UMAD1: variants seen among roughly 807,000 people sequenced by gnomAD.
The protein encoded by UMAD1 is UBAP1-MVB12-associated (UMA)-domain containing protein 1.
A neutral mutation model predicts 6.1 loss-of-function variants in UMAD1; 8 were observed. That is an observed-to-expected ratio of 1.30 (90% confidence interval 0.76 to 2.35). The LOEUF (loss-of-function observed/expected upper bound fraction) is 2.35, where lower values mean the gene tolerates loss of function less well. Ranked by LOEUF, UMAD1 falls within the 30% of genes most tolerant of loss-of-function variation. The pLI, the probability that UMAD1 is intolerant of heterozygous loss-of-function variation, is 0.00. For synonymous variants in UMAD1, 56 were observed against 31.4 expected, an observed-to-expected ratio of 1.78 and a Z score of -2.61; for missense variants, 130 against 78.4, an observed-to-expected ratio of 1.66 and a Z score of -2.49.
rs1432736828 is a variant in UMAD1 at position 7,878,114 on chromosome 7, C to G, written c.*576C>G. Reference sequence around the variant, plus strand: ...GGATGCTAGACCTGCTCTGCGTGCTCTTTCTGGAGTGGCCCATTTCGGTTT... The same window carrying G: ...GGATGCTAGACCTGCTCTGCGTGCTGTTTCTGGAGTGGCCCATTTCGGTTT... On this transcript the variant is annotated 3_prime_UTR_variant, in exon 4 of 4. Transcript: ENST00000682710. 2.0e-5 allele frequency: 3 copies of G among 152,758 alleles called. No individual in the cohort carries two copies. The highest frequency in any genetic ancestry group is 4.4e-5 in the Non-Finnish European group (3 of 68,464). 9.5% of individuals were successfully genotyped at this position (152,758 alleles called of 1,614,324 possible). A position where few individuals can be genotyped will look rare whatever the true frequency, so the allele number is the denominator to read the frequency against.
intron 3 of UMAD1, among the ~76,000 whole-genome samples, chr7:7,814,615 A>G (rs1433657883): frequency 6.6e-6 from 1 of 151,828 alleles, no homozygotes; most frequent in Non-Finnish European, 1.5e-5. Flanking sequence ...TATTTATGTA[A>G]TACTTCTACA....
chr7:7,872,288 C>T (rs1784345811), intron 3 of UMAD1, among the ~76,000 whole-genome samples: 2 of 152,226 alleles, frequency 1.3e-5, no homozygotes, highest in South Asian at 2.1e-4. Context: ...ATATTGTCAT[C>T]TATTAAGTGT....
intron 3 of UMAD1, among the ~76,000 whole-genome samples, chr7:7,869,787 G>A (rs1051019181): frequency 2.0e-5 from 3 of 152,160 alleles, no homozygotes; most frequent in Non-Finnish European, 4.4e-5. Flanking sequence ...TTTGTGCCAG[G>A]AAAAATGTAG....
At chr7:7,840,168 G>A (rs577891592) in intron 3 of UMAD1, among the ~76,000 whole-genome samples, 2 of 152,298 alleles carry the variant, frequency 1.3e-5, no homozygotes, top group African/African-American at 4.8e-5. Flanking sequence ...GAGGCAGATT[G>A]TTAGGTAAAT....
At chr7:7,764,547 A>T (rs17484584) in intron 2 of UMAD1, among the ~76,000 whole-genome samples, 8,405 of 152,238 alleles carry the variant, frequency 0.055, 323 homozygotes, top group Non-Finnish European at 0.074. Context: ...ACCTAGGCCA[A>T]TTATGCAGAT....
intron 2 of UMAD1, among the ~76,000 whole-genome samples, chr7:7,704,741 T>C (rs1243639535): frequency 8.8e-6 from 1 of 113,738 alleles, no homozygotes; most frequent in Non-Finnish European, 1.6e-5. Context: ...TACTCCAGCC[T>C]GGGTGACAGA....
chr7:7,651,990 C>A (rs1315106979), intron 1 of UMAD1, among the ~76,000 whole-genome samples: 1 of 152,118 alleles, frequency 6.6e-6, no homozygotes, highest in African/African-American at 2.4e-5. Context: ...GCTGTGACTT[C>A]TGAATGGAAG....
intron 1 of UMAD1, among the ~76,000 whole-genome samples, chr7:7,665,997 A>G (rs988669257): frequency 6.6e-6 from 1 of 152,126 alleles, no homozygotes; most frequent in Non-Finnish European, 1.5e-5. Flanking sequence ...CAACATTTGT[A>G]TACAAGTGTG....
At position 7,755,495 on chromosome 7, in the gene UMAD1, T is replaced by G. The variant is rs561277190; in HGVS notation, c.83-46175T>G. ...ATTTCAGAATTCAGAGTCTAAATTT[T>G]CTCTTTCACATCTGGTGGCACTTTT... On this transcript the variant is annotated intron_variant, in intron 2 of 3. Transcript: ENST00000682710. Among the ~76,000 whole-genome samples the G allele has an allele frequency of 2.0e-5, 3 of 152,322 alleles. No individual in the cohort carries two copies. The South Asian group carries it at 6.2e-4, about 32-fold the overall frequency.
chr7:7,827,135 ATATATATATATATGTGTG>A (rs1373250166), intron 3 of UMAD1, among the ~76,000 whole-genome samples: 242 of 114,582 alleles, frequency 2.1e-3, no homozygotes, highest in Non-Finnish European at 3.4e-3. Flanking sequence ...ATATATATAT[ATATATATATATATGTGTG>A]TGTGTGTGTG....
At chr7:7,851,423 A>G (rs1462988724) in intron 3 of UMAD1, among the ~76,000 whole-genome samples, 1 of 152,154 alleles carries the variant, frequency 6.6e-6, no homozygotes, top group Non-Finnish European at 1.5e-5. Flanking sequence ...ATACATACCT[A>G]GGAGTAGAAT....
At chr7:7,816,250 C>G (rs1434233974) in intron 3 of UMAD1, among the ~76,000 whole-genome samples, 2 of 152,124 alleles carry the variant, frequency 1.3e-5, no homozygotes, top group Admixed American at 6.6e-5. Flanking sequence ...AACCACAAAA[C>G]CTATGCTTTG....
chr7:7,757,710 T>C (rs1455137487), intron 2 of UMAD1, among the ~76,000 whole-genome samples: 1 of 152,222 alleles, frequency 6.6e-6, no homozygotes. Context: ...TTTCTTTAGC[T>C]TCTCTGAAAT....
At chr7:7,789,806 A>G (rs1394828577) in intron 2 of UMAD1, among the ~76,000 whole-genome samples, 1 of 152,180 alleles carries the variant, frequency 6.6e-6, no homozygotes, top group Non-Finnish European at 1.5e-5. Context: ...GCTAAATAAT[A>G]TTCTACTGTA....
At chr7:7,681,031 A>G (rs763177559) in intron 2 of UMAD1, among the ~76,000 whole-genome samples, 45 of 152,080 alleles carry the variant, frequency 3.0e-4, no homozygotes, top group Non-Finnish European at 5.0e-4. Context: ...AAAAATAAAT[A>G]TATTTTGTTG....
At chr7:7,670,844 C>T (rs946384358) in intron 1 of UMAD1, among the ~76,000 whole-genome samples, 1 of 152,202 alleles carries the variant, frequency 6.6e-6, no homozygotes, top group Non-Finnish European at 1.5e-5. Context: ...AGCAATTCTG[C>T]AATTCCACAG....
chr7:7,772,148 A>G (rs536169572), intron 2 of UMAD1, among the ~76,000 whole-genome samples: 4 of 152,208 alleles, frequency 2.6e-5, no homozygotes, highest in African/African-American at 7.2e-5. Context: ...ACTTGTGTCA[A>G]TCATTTTAGC....
At chr7:7,738,305 C>G (rs1781400050) in intron 2 of UMAD1, among the ~76,000 whole-genome samples, 1 of 152,168 alleles carries the variant, frequency 6.6e-6, no homozygotes, top group Non-Finnish European at 1.5e-5. Context: ...TCTGCCTATG[C>G]CCTTAGTGCC....
chr7:7,702,816 T>G (rs1780493530), intron 2 of UMAD1, among the ~76,000 whole-genome samples: 1 of 152,200 alleles, frequency 6.6e-6, no homozygotes, highest in Non-Finnish European at 1.5e-5. Flanking sequence ...GTTTTTGGTT[T>G]GCCTTTTGTA....
Sources: gnomAD v4.1 joint callset for allele counts (sites outside exome capture counted in the v4.1 genomes callset) on GRCh38, gnomAD v4.1.1 for gene constraint, MANE v1.5 for transcripts, NCBI Gene and HGNC (gene_info 2026-07-23, HGNC 2026-07-21) for gene names.